The following CYP3A4 variants were observed in gnomAD, a reference collection of about 807,000 sequenced individuals.
CYP3A4 encodes the protein cytochrome P450 family 3 subfamily A member 4.
In CYP3A4, 41 loss-of-function variants were observed where a neutral mutation model predicts 54.9. The ratio of observed to expected loss-of-function variants is 0.75; its 90% CI spans 0.58 to 0.97. The LOEUF (loss-of-function observed/expected upper bound fraction) is 0.97, where lower values mean the gene tolerates loss of function less well. Ranked by LOEUF, CYP3A4 falls within the 50% of genes least tolerant of loss-of-function variation. CYP3A4 has a pLI of 0.00. For synonymous variants in CYP3A4, 179 were observed against 205.2 expected (o/e 0.87, Z 1.09); for missense variants, 510 against 597.3 (o/e 0.85, Z 1.52).
intron 3 of CYP3A4, 42 bp downstream of exon 3, chr7:99,777,986 A>G: frequency 6.5e-7 from 1 of 1,541,620 alleles, no homozygotes. Context: ...TAAACTCATC[A>G]TAGAAACAAG....
Position 99,778,029 on chromosome 7 carries a change from C to T in CYP3A4, c.217G>A (p.Gly73Ser). Reference protein sequence around the residue: ...ECHKKYGKVWGFYDGQQPVLA... With the variant: ...ECHKKYGKVWSFYDGQQPVLA... Reference sequence around the variant, plus strand: ...AATGGAAGTTTCCAGAATACTCACCCCCACACTTTTCCATACTTTTTATGA... The same window carrying T: ...AATGGAAGTTTCCAGAATACTCACCTCCACACTTTTCCATACTTTTTATGA... The change falls in exon 3 of 13, where the codon GGC becomes AGC. Residue 73 changes from glycine to serine, a missense_variant and splice_region_variant. Physicochemically the swap from Gly to Ser is moderately conservative, Grantham distance 56. This residue lies in a region of CYP3A4 where 272 missense variants were observed against 274.9 expected (regional missense o/e 0.99). Coordinates refer to ENST00000651514, the MANE Select transcript of CYP3A4 (RefSeq NM_017460.6). 6.2e-7 allele frequency: 1 copy of T among 1,612,558 alleles called. No homozygotes were observed. The highest frequency in any genetic ancestry group is 1.1e-5 in the South Asian group (1 of 91,002).
chr7:99,761,123 A>G (rs1298479837), intron 11 of CYP3A4, 142 bp from the exon 12 acceptor site: 4 of 914,918 alleles, frequency 4.4e-6, no homozygotes, highest in Non-Finnish European at 6.6e-6. Context: ...AAATCCTGCT[A>G]TGCTTATTTT....
intron 7 of CYP3A4, 85 bp from the exon 8 acceptor site, chr7:99,767,343 C>A (rs1815502036): frequency 1.5e-5 from 18 of 1,235,340 alleles, no homozygotes; most frequent in Admixed American, 5.0e-5. Context: ...GTTTTCTCTA[C>A]CAACCAGAAG....
At chr7:99,764,228 C>T (rs112634781) in intron 9 of CYP3A4, among the ~76,000 whole-genome samples, 1 of 152,220 alleles carries the variant, frequency 6.6e-6, no homozygotes, top group African/African-American at 2.4e-5. Flanking sequence ...CCAAGGTCTT[C>T]GAGAATGTGG....
At chr7:99,772,482 C>G (rs1429810808) in intron 4 of CYP3A4, 108 bp downstream of exon 4, 1 of 1,396,996 alleles carries the variant, frequency 7.2e-7, no homozygotes, top group East Asian at 2.5e-5. Flanking sequence ...ATGAAGTGGA[C>G]GTGGAACCTT....
rs763972158 is a variant in CYP3A4 at position 99,772,637 on chromosome 7, T to G, written c.271A>C (p.Lys91Gln). 1 of 1,613,380 alleles carries G rather than the reference T, an allele frequency of 6.2e-7. No homozygotes were observed. The highest frequency in any genetic ancestry group is 1.3e-5 in the African/African-American group (1 of 74,882). The change falls in exon 4 of 13, where the codon AAA (lysine) becomes CAA (glutamine). Residue 91 changes from lysine to glutamine, a missense_variant. Coordinates refer to ENST00000651514, the MANE Select transcript of CYP3A4 (RefSeq NM_017460.6). ...VLAITDPDMI[K>Q]TVLVKECYSV... is the part of the protein sequence containing the mutation. ...TAACATTCTTTCACTAGCACTGTTT[T>G]GATCATGTCAGGATCTGTGATAGCC...
intron 3 of CYP3A4, among the ~76,000 whole-genome samples, chr7:99,777,476 TTGTG>T (rs10554527): frequency 0.059 from 8,709 of 146,600 alleles, 842 homozygotes; most frequent in African/African-American, 0.2. Flanking sequence ...ATGTCACTAG[TTGTG>T]TGTGTGTGTG....
chr7:99,771,177 G>GTC (rs28908768), intron 4 of CYP3A4, among the ~76,000 whole-genome samples: 7,843 of 152,098 alleles, frequency 0.052, 683 homozygotes, highest in African/African-American at 0.18. Context: ...TAAAAGAATT[G>GTC]TCTCTATTTT....
intron 1 of CYP3A4, among the ~76,000 whole-genome samples, chr7:99,782,560 T>C (rs1815954621): frequency 6.6e-6 from 1 of 152,150 alleles, no homozygotes; most frequent in Non-Finnish European, 1.5e-5. Flanking sequence ...ACACAGATGG[T>C]GCCTCTGTGT....
chr7:99,779,901 C>T (rs1185282833), intron 2 of CYP3A4, 91 bp downstream of exon 2: 1 of 1,223,228 alleles, frequency 8.2e-7, no homozygotes, highest in Non-Finnish European at 1.2e-6. Flanking sequence ...AAACTTCAGA[C>T]CTTCCCCCTG....
chr7:99,759,397 T>C (rs1437828131), intron 12 of CYP3A4, among the ~76,000 whole-genome samples: 1 of 150,284 alleles, frequency 6.7e-6, no homozygotes, highest in Admixed American at 6.6e-5. Context: ...ATATTTTCAC[T>C]GCAGACAGAC....
chr7:99,770,326 A>G, intron 4 of CYP3A4, 91 bp from the exon 5 acceptor site: 2 of 1,225,128 alleles, frequency 1.6e-6, no homozygotes, highest in East Asian at 2.4e-5. Flanking sequence ...CACTTATTCA[A>G]CAACTATTTA....
Position 99,784,138 on chromosome 7 carries a change from T to C in CYP3A4, c.-57A>G. 1 of 1,524,440 alleles carries C rather than the reference T, an allele frequency of 6.6e-7. No homozygotes were observed. The highest frequency in any genetic ancestry group is 1.4e-5 in the African/African-American group (1 of 73,236). The allele number at this position is 1,524,440 out of a possible 1,614,324, so 94.4% of individuals were successfully genotyped here. ...AGTCTTCCTTTCAGCTCTGTGTTGC[T>C]CTTTGCTGGGCTATGTGCATGGAGC... On this transcript the variant is annotated 5_prime_UTR_variant, in exon 1 of 13. Coordinates refer to ENST00000651514, the MANE Select transcript of CYP3A4 (RefSeq NM_017460.6).
At chr7:99,762,312 A>G in intron 10 of CYP3A4, 45 bp from the exon 11 acceptor site, 1 of 1,597,332 alleles carries the variant, frequency 6.3e-7, no homozygotes, top group Non-Finnish European at 8.5e-7. Context: ...ATTTTGAATT[A>G]ACTTTTAACT....
chr7:99,766,295 C>T, intron 9 of CYP3A4, 82 bp downstream of exon 9: 1 of 1,515,602 alleles, frequency 6.6e-7, no homozygotes, highest in Non-Finnish European at 9.1e-7. Context: ...TCTCATCATC[C>T]TGGAATACTT....
intron 9 of CYP3A4, among the ~76,000 whole-genome samples, chr7:99,765,842 A>C (rs1470136752): frequency 6.6e-6 from 1 of 152,218 alleles, no homozygotes; most frequent in Non-Finnish European, 1.5e-5. Context: ...AGTGGAAAAT[A>C]ACTTTGCAGT....
At chr7:99,776,621 T>A (rs1385816754) in intron 3 of CYP3A4, among the ~76,000 whole-genome samples, 1 of 151,968 alleles carries the variant, frequency 6.6e-6, no homozygotes, top group African/African-American at 2.4e-5. Flanking sequence ...ATGTTCTCAC[T>A]CCTAAGTAGG....
At chr7:99,758,407 TA>T (rs960050849) in intron 12 of CYP3A4, among the ~76,000 whole-genome samples, 179 bp from the exon 13 acceptor site, 4 of 152,090 alleles carry the variant, frequency 2.6e-5, no homozygotes, top group African/African-American at 9.7e-5. Context: ...TGTAAACATA[TA>T]AAAACTACTT....
intron 3 of CYP3A4, among the ~76,000 whole-genome samples, chr7:99,776,840 A>C (rs1456995898): frequency 1.3e-5 from 2 of 152,222 alleles, no homozygotes; most frequent in Non-Finnish European, 2.9e-5. Flanking sequence ...TTAAAGTATA[A>C]TTTAAAAAAC....
Sources: allele counts gnomAD v4.1 joint callset (sites outside exome capture counted in the v4.1 genomes callset), GRCh38; gene constraint gnomAD v4.1.1; regional missense constraint gnomAD v4.1.1; transcripts MANE v1.5; gene names NCBI Gene and HGNC (gene_info 2026-07-23, HGNC 2026-07-21).